The following C16orf74 variants were observed in gnomAD, a reference collection of about 807,000 sequenced individuals.
C16orf74 encodes the protein uncharacterized protein C16orf74.
A neutral mutation model predicts 6.5 loss-of-function variants in C16orf74; 10 were observed. The ratio of observed to expected loss-of-function variants is 1.54; its 90% CI spans 0.95 to 2.61. The LOEUF (loss-of-function observed/expected upper bound fraction) is 2.61. C16orf74 is among the 30% of genes most tolerant of loss of function. The pLI, the probability that C16orf74 is intolerant of heterozygous loss-of-function variation, is 0.00. For missense variants in C16orf74, 141 were observed against 105.9 expected (o/e 1.33, Z -1.45); for synonymous variants, 60 against 42.5 (o/e 1.41, Z -1.60).
At chr16:85,743,407 G>A (rs1050805432) in intron 1 of C16orf74, 13 of 152,170 alleles carry the variant, frequency 8.5e-5, no homozygotes, top group African/African-American at 3.1e-4. Context: ...TGCCCTAAGA[G>A]ATAAACATTA....
intron 2 of C16orf74, among the ~76,000 whole-genome samples, chr16:85,724,931 G>A (rs1284516615): frequency 1.3e-5 from 2 of 152,214 alleles, no homozygotes; most frequent in Non-Finnish European, 2.9e-5. Flanking sequence ...CTAACACAGA[G>A]TGCTGGGGTG....
intron 1 of C16orf74, among the ~76,000 whole-genome samples, chr16:85,741,991 ATCTC>A (rs1180142017): frequency 1.3e-5 from 2 of 152,148 alleles, no homozygotes. Context: ...TCATGGGGCA[ATCTC>A]TCATGAACAG....
intron 1 of C16orf74, among the ~76,000 whole-genome samples, chr16:85,750,439 C>T (rs1361460288): frequency 6.6e-6 from 1 of 152,236 alleles, no homozygotes; most frequent in East Asian, 1.9e-4. Flanking sequence ...TGCAAACCTG[C>T]TTTGATGCCC....
intron 2 of C16orf74, chr16:85,710,672 T>C (rs1423648597): frequency 4.8e-6 from 1 of 208,860 alleles, no homozygotes; most frequent in African/African-American, 2.3e-5. Flanking sequence ...CTCTCCAAAG[T>C]GCTCACACTT....
In C16orf74 at chr16:85,710,232, ACGTCCAGGTGCTTGTCGTTC is replaced by A. The variant is rs767753044; in HGVS notation, c.84_103del (p.Asn29AlafsTer27). On this transcript the variant is annotated frameshift_variant, in exon 3 of 4. Transcript: ENST00000284245. LOFTEE classifies it high-confidence loss of function. Reference sequence around the variant, plus strand: ...GGGGGGCGTGATGATGATGTCGGGCACGTCCAGGTGCTTGTCGTTCAGGACGGGGGCCTCGTCGTGGCTGC... The same window carrying A: ...GGGGGGCGTGATGATGATGTCGGGCAAGGACGGGGGCCTCGTCGTGGCTGC... 3,134 of 1,503,882 alleles carry A rather than the reference ACGTCCAGGTGCTTGTCGTTC, an allele frequency of 2.1e-3. 21 individuals are homozygous for A. Among genetic ancestry groups the A allele is most frequent in the Non-Finnish European group, 1.8e-3 (2,036 of 1,138,892 alleles). The allele number at this position is 1,503,882 out of a possible 1,614,324, so 93.2% of individuals were successfully genotyped here.
chr16:85,733,050 C>G, intron 2 of C16orf74, among the ~76,000 whole-genome samples: 1 of 152,202 alleles, frequency 6.6e-6, no homozygotes, highest in East Asian at 1.9e-4. Flanking sequence ...GATCAAGTCC[C>G]GGCCTTGGGC....
chr16:85,727,195 G>C (rs1048097448), intron 2 of C16orf74, among the ~76,000 whole-genome samples: 6 of 152,228 alleles, frequency 3.9e-5, no homozygotes, highest in Non-Finnish European at 8.8e-5. Flanking sequence ...TCCGCCAGCA[G>C]AGCCAGGCAT....
At chr16:85,731,412 G>A (rs1462582695) in intron 2 of C16orf74, among the ~76,000 whole-genome samples, 5 of 152,240 alleles carry the variant, frequency 3.3e-5, no homozygotes, top group African/African-American at 1.2e-4. Flanking sequence ...TGAACCCAGG[G>A]AGGCCTGGAG....
intron 2 of C16orf74, among the ~76,000 whole-genome samples, chr16:85,731,913 A>C (rs1348999343): frequency 6.6e-6 from 1 of 151,150 alleles, no homozygotes; most frequent in Non-Finnish European, 1.5e-5. Flanking sequence ...CTGGTCTTGA[A>C]CTCCTGGGCT....
At chr16:85,715,475 G>A (rs192328035) in intron 2 of C16orf74, among the ~76,000 whole-genome samples, 1 of 152,284 alleles carries the variant, frequency 6.6e-6, no homozygotes, top group African/African-American at 2.4e-5. Flanking sequence ...CTGGAATCTG[G>A]CTGACCCCAA....
rs1043145449 is a variant in C16orf74, at chr16:85,707,881, G to A, written c.*127C>T. On this transcript the variant is annotated 3_prime_UTR_variant, in exon 4 of 4. Coordinates refer to ENST00000284245, the MANE Select transcript of C16orf74 (RefSeq NM_206967.3). ...CTGGTCCTGCCACGTCTCTCTGAGC[G>A]GAGGCCCGGGTTCGCTCAGTTCCCA... The A allele has an allele frequency of 3.9e-5, 28 of 724,738 alleles. No homozygotes were observed. Among genetic ancestry groups the A allele is most frequent in the African/African-American group, 8.8e-5 (5 of 56,742 alleles). 44.9% of individuals were successfully genotyped at this position (724,738 alleles called of 1,614,324 possible).
chr16:85,729,862 G>A (rs1040124219), intron 2 of C16orf74, among the ~76,000 whole-genome samples: 5 of 152,140 alleles, frequency 3.3e-5, no homozygotes, highest in South Asian at 2.1e-4. Flanking sequence ...GAGGGAGGGC[G>A]GCCCTGCCAG....
chr16:85,726,598 T>C (rs944726049), intron 2 of C16orf74, among the ~76,000 whole-genome samples: 2 of 152,194 alleles, frequency 1.3e-5, no homozygotes, highest in African/African-American at 2.4e-5. Context: ...GTGCTTGACC[T>C]TGGCTATTTT....
In C16orf74 at chr16:85,712,090, C is replaced by G. The variant is rs528472573; in HGVS notation, c.29-1783G>C. 3.9e-5 allele frequency among the ~76,000 whole-genome samples: 6 copies of G among 152,320 alleles called. No homozygotes were observed. In the South Asian group the frequency reaches 1.0e-3, roughly 26 times the overall value. On this transcript the variant is annotated intron_variant, in intron 2 of 3. Coordinates refer to ENST00000284245, the MANE Select transcript of C16orf74 (RefSeq NM_206967.3). ...CTTGGGGAAGCCAGCCACCATGTTA[C>G]GAGGATGCTCAAGCAGCCTGTGGAG... is the stretch of plus-strand genomic sequence containing the variant.
At chr16:85,727,869 T>C (rs539903849) in intron 2 of C16orf74, among the ~76,000 whole-genome samples, 251 of 147,120 alleles carry the variant, frequency 1.7e-3, no homozygotes, top group African/African-American at 6.0e-3. Context: ...CCGGGTGCGG[T>C]GGCTCATGCC....
rs1186570086 is a variant in C16orf74 at position 85,717,260 on chromosome 16, G to A, written c.29-6953C>T. Among the ~76,000 whole-genome samples, 6 of 152,328 alleles carry A rather than the reference G, an allele frequency of 3.9e-5. No individual in the cohort carries two copies. The East Asian group carries it at 1.2e-3, about 29-fold the overall frequency. On this transcript the variant is annotated intron_variant, in intron 2 of 3. Transcript: ENST00000284245. ...CCGGCTCTGGGCCCTCCTAGCTCCA[G>A]GACAGCGGTTCCCATCGCGGCTGCC... is the stretch of plus-strand genomic sequence containing the variant.
intron 1 of C16orf74, among the ~76,000 whole-genome samples, chr16:85,747,554 G>A (rs376322972): frequency 2.0e-5 from 3 of 152,036 alleles, no homozygotes; most frequent in Non-Finnish European, 4.4e-5. Context: ...TGTCCTGGGG[G>A]GCTGAAGGTC....
At chr16:85,744,902 GA>G (rs2054355585) in intron 1 of C16orf74, among the ~76,000 whole-genome samples, 1 of 151,522 alleles carries the variant, frequency 6.6e-6, no homozygotes, top group African/African-American at 2.4e-5. Flanking sequence ...ATCACTTTGG[GA>G]GGCCGAGGTG....
intron 2 of C16orf74, among the ~76,000 whole-genome samples, chr16:85,723,259 CA>C (rs5818553): frequency 0.34 from 20,594 of 60,046 alleles, 1,371 homozygotes; most frequent in Middle Eastern, 0.45. Context: ...GACTCCATCT[CA>C]AAAAAAAAAA....
Sources: allele counts gnomAD v4.1 joint callset (sites outside exome capture counted in the v4.1 genomes callset), GRCh38; gene constraint gnomAD v4.1.1; transcripts MANE v1.5; gene names NCBI Gene and HGNC (gene_info 2026-07-23, HGNC 2026-07-21).